IQSEC3: variants seen among roughly 807,000 people sequenced by gnomAD.
IQSEC3 encodes the protein IQ motif and Sec7 domain ArfGEF 3, also known as IQ motif and SEC7 domain-containing protein 3.
Under a neutral mutation model 105.4 loss-of-function variants are expected in IQSEC3, and 50 were observed. That is an observed-to-expected ratio of 0.47 (90% confidence interval 0.38 to 0.60). The LOEUF is 0.60. Ranked by LOEUF, IQSEC3 falls within the 20% of genes least tolerant of loss-of-function variation. IQSEC3 has a pLI of 0.00. For synonymous variants in IQSEC3, 708 were observed against 746.0 expected (o/e 0.95, Z 0.83); for missense variants, 1,415 against 1,630.0 (o/e 0.87, Z 2.27).
rs184452384 is a variant in IQSEC3 at position 169,954 on chromosome 12, C to T, written c.3064+849C>T. On this transcript the variant is annotated intron_variant, in intron 12 of 13. Transcript: ENST00000538872. ...CTGGAAAGCCAGGGTCATAGTGAGA[C>T]GCCAGCTTGAGCTGAGAAGCTCCAG... 3.9e-5 allele frequency among the ~76,000 whole-genome samples: 6 copies of T among 152,356 alleles called. No individual in the cohort carries two copies. In the East Asian group the frequency reaches 9.6e-4, roughly 24 times the overall value.
In IQSEC3 at chr12:138,553, A is replaced by C; in HGVS notation, c.1190A>C (p.Glu397Ala). ...CCCACCTTCGCAGGCACCCTCACCG[A>C]GCTGGAGGACTCCTTCACCGAGCAG... ...LPPTFAGTLT[E>A]LEDSFTEQVQ... Residue 397 changes from glutamate to alanine, a missense_variant, in exon 4 of 14, where the codon GAG (glutamate) becomes GCG (alanine). Transcript: ENST00000538872. The surrounding 1 kb of genome is among the most constrained non-coding windows in gnomAD (Gnocchi z 7.1). 1 of 1,582,522 alleles carries C rather than the reference A, an allele frequency of 6.3e-7. No homozygotes were observed. Among genetic ancestry groups the C allele is most frequent in the African/African-American group, 1.3e-5 (1 of 74,390 alleles).
chr12:172,251 T>A (rs1939044699), intron 13 of IQSEC3, among the ~76,000 whole-genome samples: 1 of 144,136 alleles, frequency 6.9e-6, no homozygotes, highest in South Asian at 2.4e-4. Flanking sequence ...CACCCGTGTC[T>A]GGAGGAGGCA....
At chr12:158,680 T>C (rs12424581) in intron 7 of IQSEC3, among the ~76,000 whole-genome samples, 16,022 of 152,264 alleles carry the variant, frequency 0.11, 1,777 homozygotes, top group African/African-American at 0.28. Flanking sequence ...CTGCTCCTTG[T>C]TAATTATTAT....
intron 5 of IQSEC3, among the ~76,000 whole-genome samples, chr12:145,306 T>C (rs1338490830): frequency 6.6e-6 from 1 of 152,208 alleles, no homozygotes; most frequent in Non-Finnish European, 1.5e-5. Flanking sequence ...ACAGGATCTC[T>C]CTTTGTCACC....
At chr12:71,024 C>T (rs1247586774) in intron 1 of IQSEC3, among the ~76,000 whole-genome samples, 2 of 152,262 alleles carry the variant, frequency 1.3e-5, no homozygotes, top group Non-Finnish European at 2.9e-5. Context: ...ATCCTTCTTC[C>T]ACATAAGCTA....
rs782188727 is a variant in IQSEC3 at position 165,477 on chromosome 12, C to T, written c.2753C>T (p.Thr918Ile). 1.2e-6 allele frequency: 2 copies of T among 1,614,174 alleles called. No individual in the cohort carries two copies. Among genetic ancestry groups the T allele is most frequent in the Non-Finnish European group, 1.7e-6 (2 of 1,180,030 alleles). Residue 918 changes from threonine (T) to isoleucine (I), a missense_variant, in exon 10 of 14, where the codon ACC becomes ATC. This residue lies in a region of IQSEC3 where 419 missense variants were observed against 436.2 expected (regional missense o/e 0.96). Transcript: ENST00000538872. ...AAGAAGAAGAGCTCCTCCACGTACA[C>T]CTTTTGCAAGTCAGTTGGCCTGCTG... ...CPKKKSSSTY[T>I]FCKSVGLLGM... is the part of the protein sequence containing the mutation.
intron 2 of IQSEC3, among the ~76,000 whole-genome samples, chr12:107,242 C>T (rs952076710): frequency 2.6e-5 from 4 of 152,132 alleles, no homozygotes; most frequent in Admixed American, 2.0e-4. Context: ...ACCACATCCC[C>T]GGCAGTGGCA....
rs370840498 is a variant in IQSEC3 at position 125,608 on chromosome 12, G to A, written c.624-25G>A. ...CACCCTGTCGCCCTCTCCCCCAACC[G>A]AGCACCGTTGCCTTCTGTTCACAGT... is the stretch of plus-strand genomic sequence containing the variant. On this transcript the variant is annotated intron_variant, in intron 2 of 13. Coordinates refer to ENST00000538872, the MANE Select transcript of IQSEC3 (RefSeq NM_001170738.2). The A allele has an allele frequency of 5.0e-5, 74 of 1,471,542 alleles. No individual in the cohort carries two copies. The African/African-American group carries it at 8.8e-4, about 18-fold the overall frequency. 91.2% of individuals were successfully genotyped at this position (1,471,542 alleles called of 1,614,324 possible).
chr12:85,594 C>G (rs1220762835), intron 1 of IQSEC3, among the ~76,000 whole-genome samples: 1 of 152,214 alleles, frequency 6.6e-6, no homozygotes, highest in Non-Finnish European at 1.5e-5. Flanking sequence ...TGACAGCAAG[C>G]TCTCACTGTT....
intron 5 of IQSEC3, among the ~76,000 whole-genome samples, chr12:153,697 G>A (rs1467546684): frequency 1.3e-5 from 2 of 152,210 alleles, no homozygotes; most frequent in Non-Finnish European, 2.9e-5. Context: ...AACTACATCT[G>A]TTTATGCCTC....
At chr12:82,923 A>G (rs1416224205) in intron 1 of IQSEC3, among the ~76,000 whole-genome samples, 1 of 152,148 alleles carries the variant, frequency 6.6e-6, no homozygotes, top group African/African-American at 2.4e-5. Context: ...AGCACTGGAG[A>G]CTGTTGTTCA....
At chr12:135,498 C>T (rs73036135) in intron 3 of IQSEC3, among the ~76,000 whole-genome samples, 31,415 of 152,206 alleles carry the variant, frequency 0.21, 3,735 homozygotes, top group Non-Finnish European at 0.26. Flanking sequence ...CCCCAAGTCC[C>T]CTTCATGCTA....
intron 2 of IQSEC3, among the ~76,000 whole-genome samples, chr12:107,138 C>T (rs1179270905): frequency 2.0e-5 from 3 of 152,138 alleles, no homozygotes; most frequent in Non-Finnish European, 4.4e-5. Context: ...TCCATAATTC[C>T]TTTAGCACCC....
At chr12:150,273 A>G (rs1424067808) in intron 5 of IQSEC3, among the ~76,000 whole-genome samples, 1 of 152,206 alleles carries the variant, frequency 6.6e-6, no homozygotes, top group Non-Finnish European at 1.5e-5. Context: ...CATCTACCAA[A>G]TAAACACGTA....
chr12:145,686 C>T (rs1866234424), intron 5 of IQSEC3, among the ~76,000 whole-genome samples: 1 of 152,230 alleles, frequency 6.6e-6, no homozygotes, highest in Admixed American at 6.5e-5. Context: ...GCGGCAGGAG[C>T]CAGACAGCAG....
chr12:163,898 A>C (rs1382563770), intron 9 of IQSEC3, among the ~76,000 whole-genome samples: 1 of 151,808 alleles, frequency 6.6e-6, no homozygotes, highest in Non-Finnish European at 1.5e-5. Flanking sequence ...TTCCCAGACC[A>C]CTGGCCTCTC....
chr12:99,404 C>T (rs1357919379), intron 2 of IQSEC3, among the ~76,000 whole-genome samples, 190 bp downstream of exon 2: 2 of 152,206 alleles, frequency 1.3e-5, no homozygotes, highest in Non-Finnish European at 2.9e-5. Flanking sequence ...GAGCCGTTCC[C>T]AACTTTTAAG....
At chr12:110,567 T>C (rs1484200463) in intron 2 of IQSEC3, among the ~76,000 whole-genome samples, 1 of 152,114 alleles carries the variant, frequency 6.6e-6, no homozygotes, top group East Asian at 1.9e-4. Flanking sequence ...TTTGGGAATT[T>C]CTGCTCAGCT....
intron 3 of IQSEC3, among the ~76,000 whole-genome samples, chr12:130,396 C>T (rs995715332): frequency 1.3e-5 from 2 of 152,214 alleles, no homozygotes; most frequent in Non-Finnish European, 1.5e-5. Flanking sequence ...TGTTAAGTAA[C>T]TTGCCCAAGG....
Sources: gnomAD v4.1 joint callset for allele counts (sites outside exome capture counted in the v4.1 genomes callset) on GRCh38, gnomAD v4.1.1 for gene constraint, gnomAD v4.1.1 regional missense constraint, Gnocchi (gnomAD v3.1) non-coding constraint, MANE v1.5 for transcripts, NCBI Gene and HGNC (gene_info 2026-07-23, HGNC 2026-07-21) for gene names.